Variants in MFN1 observed in about 807,000 individuals in gnomAD.
The protein encoded by MFN1 is mitofusin 1.
In MFN1, 65 loss-of-function variants were observed where a neutral mutation model predicts 92.4. That is an observed-to-expected ratio of 0.70 (90% CI 0.58 to 0.86). The LOEUF (loss-of-function observed/expected upper bound fraction) is 0.86. MFN1 is among the 40% of genes least tolerant of loss of function. The pLI is 0.00. For synonymous variants in MFN1, 297 were observed against 300.9 expected, an observed-to-expected ratio of 0.99 and a Z score of 0.13; for missense variants, 781 against 868.0, an observed-to-expected ratio of 0.90 and a Z score of 1.26.
chr3:179,378,546 CCATTCTTAT>C (rs752557799), intron 13 of MFN1, 30 bp from the exon 14 acceptor site: 90 of 1,553,686 alleles, frequency 5.8e-5, no homozygotes, highest in Non-Finnish European at 7.4e-5. Context: ...AAAACATTTA[CCATTCTTAT>C]CTTAAGTGTT....
intron 17 of MFN1, among the ~76,000 whole-genome samples, chr3:179,391,416 A>T (rs896649292): frequency 2.0e-5 from 3 of 152,174 alleles, no homozygotes; most frequent in African/African-American, 7.2e-5. Flanking sequence ...AGGCTCAGCC[A>T]TTTGGATAGA....
At chr3:179,355,455 A>G (rs1220751799) in intron 3 of MFN1, among the ~76,000 whole-genome samples, 1 of 152,222 alleles carries the variant, frequency 6.6e-6, no homozygotes, top group African/African-American at 2.4e-5. Context: ...TGTGTGTTTA[A>G]TACAACTATA....
chr3:179,358,834 C>T lies in MFN1; in HGVS notation c.249-6C>T. ...TTTGTTTTTCATGATTTTGTATATT[C>T]TTCAGGACAAGCAGTGGGAAGAGCT... On this transcript the variant is annotated splice_polypyrimidine_tract_variant and splice_region_variant and intron_variant, in intron 3 of 17. Coordinates refer to ENST00000471841, the MANE Select transcript of MFN1 (RefSeq NM_033540.3). 6.2e-7 allele frequency: 1 copy of T among 1,607,074 alleles called. No homozygotes were observed. Among genetic ancestry groups the T allele is most frequent in the South Asian group, 1.1e-5 (1 of 90,080 alleles).
intron 14 of MFN1, among the ~76,000 whole-genome samples, chr3:179,383,100 T>C (rs971436179): frequency 3.9e-5 from 6 of 152,258 alleles, no homozygotes; most frequent in Admixed American, 3.3e-4. Context: ...ATTTTGGCTT[T>C]TGTTGCCATT....
chr3:179,389,685 T>C (rs1713826954), intron 16 of MFN1, among the ~76,000 whole-genome samples: 2 of 152,190 alleles, frequency 1.3e-5, no homozygotes, highest in African/African-American at 2.4e-5. Flanking sequence ...TTTTTTTCTG[T>C]TCTTGATAAT....
chr3:179,383,340 T>G (rs1410321275), intron 14 of MFN1, among the ~76,000 whole-genome samples: 2 of 152,174 alleles, frequency 1.3e-5, no homozygotes, highest in Non-Finnish European at 1.5e-5. Context: ...TTTCCCCATT[T>G]CTTGTTTTTG....
chr3:179,384,160 T>G (rs1713581940), intron 14 of MFN1, among the ~76,000 whole-genome samples: 1 of 152,232 alleles, frequency 6.6e-6, no homozygotes, highest in South Asian at 2.1e-4. Flanking sequence ...GATGTATCAG[T>G]ACTTCATTTC....
At chr3:179,375,834 C>T (rs763609284) in intron 10 of MFN1, among the ~76,000 whole-genome samples, 4 of 152,140 alleles carry the variant, frequency 2.6e-5, no homozygotes, top group Non-Finnish European at 5.9e-5. Flanking sequence ...AAGCAGTACC[C>T]TTTATGTTAT....
In MFN1 at chr3:179,352,854, C is replaced by G. The variant is rs375459361; in HGVS notation, c.248+819C>G. ...GCAACCTCCACATCCCGGGTTCAAG[C>G]GATTCTCCTGCCTCAGCCTCCCTAG... On this transcript the variant is annotated intron_variant, in intron 3 of 17. Coordinates refer to ENST00000471841, the MANE Select transcript of MFN1 (RefSeq NM_033540.3). Among the ~76,000 whole-genome samples, 12 of 152,026 alleles carry G rather than the reference C, an allele frequency of 7.9e-5. No homozygotes were observed. In the South Asian group the frequency reaches 1.7e-3, roughly 21 times the overall value.
intron 9 of MFN1, among the ~76,000 whole-genome samples, chr3:179,372,267 T>C (rs1713054421): frequency 6.6e-6 from 1 of 151,286 alleles, no homozygotes; most frequent in South Asian, 2.1e-4. Context: ...TATATCAAAA[T>C]AAGTTGGCAG....
At chr3:179,353,233 T>TG (rs1712222551) in intron 3 of MFN1, among the ~76,000 whole-genome samples, 1 of 150,482 alleles carries the variant, frequency 6.6e-6, no homozygotes, top group Non-Finnish European at 1.5e-5. Flanking sequence ...TTTTTTTTTT[T>TG]TTTTTGTATT....
chr3:179,375,432 CTTT>C, intron 10 of MFN1, 91 bp downstream of exon 10: 2 of 1,465,058 alleles, frequency 1.4e-6, no homozygotes, highest in Non-Finnish European at 1.9e-6. Flanking sequence ...ACTATAAATA[CTTT>C]TTACACTGAA....
chr3:179,394,880 T>C lies in MFN1; in HGVS notation c.*2821T>C. On this transcript the variant is annotated 3_prime_UTR_variant, in exon 18 of 18. Transcript: ENST00000471841. ...TTTGTATAATCTTTTTACAAAAATTTTTTTTCAGTATGCAAGCTTGCAAGA... is the reference window on the plus strand; with the variant it reads ...TTTGTATAATCTTTTTACAAAAATTCTTTTTCAGTATGCAAGCTTGCAAGA... The C allele has an allele frequency of 6.6e-6, 1 of 152,360 alleles. No homozygotes were observed. The allele number at this position is 152,360 out of a possible 1,614,324, so 9.4% of individuals were successfully genotyped here. A position where few individuals can be genotyped will look rare whatever the true frequency, so the allele number is the denominator to read the frequency against.
At position 179,348,962 on chromosome 3, in the gene MFN1, A is replaced by T; in HGVS notation, c.111A>T (p.Glu37Asp). Residue 37 changes from glutamate (E) to aspartate (D), a missense_variant and splice_region_variant, in exon 2 of 18, where the codon GAA becomes GAT. By Grantham distance (45) the Glu-to-Asp change is conservative. Transcript: ENST00000471841. ...TTACTGAAGGATCACATTTTGTTGA[A>T]GGTTAGTTCTTCTTAAGTTTTTAAA... ...EFVTEGSHFV[E>D]ATYKNPELDR... 15 of 1,577,074 alleles carry T rather than the reference A, an allele frequency of 9.5e-6. No homozygotes were observed. The highest frequency in any genetic ancestry group is 1.3e-5 in the Non-Finnish European group (15 of 1,154,742).
In MFN1 at chr3:179,390,079, T is replaced by C; in HGVS notation, c.2088T>C (p.Ala696=). The C allele has an allele frequency of 6.2e-7, 1 of 1,607,042 alleles. No homozygotes were observed. Among genetic ancestry groups the C allele is most frequent in the Non-Finnish European group, 8.5e-7 (1 of 1,177,950 alleles). Reference sequence around the variant, plus strand: ...AAAAACAGCTGGAAGAAGAAATTGCTAGATTACCCAAAGAAATAGATCAGT... The same window carrying C: ...AAAAACAGCTGGAAGAAGAAATTGCCAGATTACCCAAAGAAATAGATCAGT... ...ITQKQLEEEI[A]RLPKEIDQLE... Residue 696 remains alanine (A), a synonymous_variant, in exon 17 of 18, where the codon GCT becomes GCC. Coordinates refer to ENST00000471841, the MANE Select transcript of MFN1 (RefSeq NM_033540.3).
At chr3:179,382,656 C>A (rs1713516512) in intron 14 of MFN1, among the ~76,000 whole-genome samples, 1 of 152,182 alleles carries the variant, frequency 6.6e-6, no homozygotes. Flanking sequence ...CACTGTCTTC[C>A]ACAATGGTTG....
In MFN1 at chr3:179,393,484, C is replaced by T. The variant is rs555799579; in HGVS notation, c.*1425C>T. 1.3e-5 allele frequency: 2 copies of T among 152,172 alleles called. No individual in the cohort carries two copies. Among genetic ancestry groups the T allele is most frequent in the South Asian group, 2.1e-4 (1 of 4,824 alleles). The allele number at this position is 152,172 out of a possible 1,614,324, so 9.4% of individuals were successfully genotyped here. A position where few individuals can be genotyped will look rare whatever the true frequency, so the allele number is the denominator to read the frequency against. On this transcript the variant is annotated 3_prime_UTR_variant, in exon 18 of 18. Coordinates refer to ENST00000471841, the MANE Select transcript of MFN1 (RefSeq NM_033540.3). The stretch of plus-strand genomic sequence containing the variant: ...TTAAGGCTTCTAGATGCTATTCAGC[C>T]TTTTTACAGCAGGTGCAACTCTATT...
intron 15 of MFN1, among the ~76,000 whole-genome samples, chr3:179,385,997 G>T (rs9816934): frequency 6.6e-6 from 1 of 152,034 alleles, no homozygotes; most frequent in Admixed American, 6.6e-5. Context: ...ATATTTGTAC[G>T]TTGAGGTAAT....
chr3:179,389,775 G>A (rs1369952378), intron 16 of MFN1, among the ~76,000 whole-genome samples: 2 of 152,010 alleles, frequency 1.3e-5, no homozygotes, highest in African/African-American at 2.4e-5. Flanking sequence ...TTGTCTTTAT[G>A]TAGCTTATTC....
Sources: gnomAD v4.1 joint callset for allele counts (sites outside exome capture counted in the v4.1 genomes callset) on GRCh38, gnomAD v4.1.1 for gene constraint, MANE v1.5 for transcripts, NCBI Gene and HGNC (gene_info 2026-07-23, HGNC 2026-07-21) for gene names.